ADAMTSL1: variants seen among roughly 807,000 people sequenced by gnomAD.
ADAMTSL1 encodes ADAMTS like 1.
ADAMTSL1 carries 126 observed loss-of-function variants against 201.8 expected under a neutral mutation model. That is an observed-to-expected ratio of 0.62 (90% CI 0.54 to 0.72). ADAMTSL1 has a LOEUF of 0.72. Among genes scored for constraint, ADAMTSL1 ranks in the 30% least tolerant of loss-of-function variants. The probability of loss-of-function intolerance (pLI) is 0.00; values close to 1 mark genes in which losing one functional copy is unlikely to be tolerated. For missense variants in ADAMTSL1, 2,679 were observed against 2,277.8 expected (o/e 1.18, Z -3.59); for synonymous variants, 1,121 against 903.4 (o/e 1.24, Z -4.32).
At chr9:17,917,482 A>G (rs1172114065) in intron 1 of ADAMTSL1, among the ~76,000 whole-genome samples, 1 of 152,030 alleles carries the variant, frequency 6.6e-6, no homozygotes, top group Non-Finnish European at 1.5e-5. Flanking sequence ...TTAGTTTAAT[A>G]TAGTGAGTTA....
chr9:18,522,848 C>G (rs1818786667), intron 2 of ADAMTSL1, among the ~76,000 whole-genome samples: 1 of 152,080 alleles, frequency 6.6e-6, no homozygotes, highest in African/African-American at 2.4e-5. Context: ...CATTCATGGA[C>G]ATTAGGTTTG....
chr9:18,712,201 C>T (rs1475324223), intron 14 of ADAMTSL1, among the ~76,000 whole-genome samples: 1 of 152,238 alleles, frequency 6.6e-6, no homozygotes, highest in Non-Finnish European at 1.5e-5. Flanking sequence ...CTCTCCTCCT[C>T]CAAAGGATCA....
At chr9:18,348,663 A>G (rs1835830158) in intron 2 of ADAMTSL1, among the ~76,000 whole-genome samples, 1 of 152,180 alleles carries the variant, frequency 6.6e-6, no homozygotes, top group African/African-American at 2.4e-5. Context: ...ACATGAAGTA[A>G]GTGAAATAGA....
intron 1 of ADAMTSL1, among the ~76,000 whole-genome samples, chr9:17,955,967 A>AT (rs1212529402): frequency 1.3e-5 from 2 of 152,126 alleles, no homozygotes; most frequent in African/African-American, 4.8e-5. Flanking sequence ...TTTTAGACAC[A>AT]TTTTTTAAAA....
chr9:18,303,477 G>A (rs768461718), intron 2 of ADAMTSL1, among the ~76,000 whole-genome samples: 5 of 152,168 alleles, frequency 3.3e-5, no homozygotes. Flanking sequence ...AGGCAGTGAT[G>A]GTTCACTCCA....
At chr9:18,434,829 A>G (rs540663711) in intron 2 of ADAMTSL1, among the ~76,000 whole-genome samples, 2 of 152,082 alleles carry the variant, frequency 1.3e-5, no homozygotes, top group African/African-American at 2.4e-5. Flanking sequence ...GTATCACCTT[A>G]TTCAGTATTC....
At chr9:18,558,182 C>G (rs1440231434) in intron 3 of ADAMTSL1, among the ~76,000 whole-genome samples, 1 of 152,090 alleles carries the variant, frequency 6.6e-6, no homozygotes, top group Non-Finnish European at 1.5e-5. Flanking sequence ...CCAACAGGCC[C>G]CAGTGTGTGA....
At chr9:18,139,224 T>C (rs1183452715) in intron 1 of ADAMTSL1, among the ~76,000 whole-genome samples, 2 of 152,180 alleles carry the variant, frequency 1.3e-5, no homozygotes, top group Non-Finnish European at 2.9e-5. Context: ...CTGTGTTCTG[T>C]ATTCATGAGG....
intron 23 of ADAMTSL1, among the ~76,000 whole-genome samples, chr9:18,841,072 T>C (rs887512889): frequency 1.7e-4 from 25 of 149,182 alleles, no homozygotes; most frequent in African/African-American, 5.7e-4. Flanking sequence ...TCCAACACTA[T>C]GTTGAATAGG....
intron 19 of ADAMTSL1, among the ~76,000 whole-genome samples, chr9:18,792,240 T>A (rs762591346): frequency 5.9e-5 from 9 of 152,162 alleles, no homozygotes; most frequent in Non-Finnish European, 1.3e-4. Flanking sequence ...AAAAGAGTCA[T>A]TGGAAATACC....
At chr9:18,136,517 A>C (rs1169597560) in intron 1 of ADAMTSL1, among the ~76,000 whole-genome samples, 2 of 152,124 alleles carry the variant, frequency 1.3e-5, no homozygotes, top group African/African-American at 4.8e-5. Flanking sequence ...GCAAGGGTGA[A>C]GTGCTTTAGT....
chr9:18,448,902 G>A (rs1820300852), intron 2 of ADAMTSL1, among the ~76,000 whole-genome samples: 1 of 152,018 alleles, frequency 6.6e-6, no homozygotes, highest in African/African-American at 2.4e-5. Flanking sequence ...TTATGTGAGT[G>A]ATATATTATT....
intron 19 of ADAMTSL1, among the ~76,000 whole-genome samples, chr9:18,791,933 T>A (rs891600825): frequency 1.1e-4 from 16 of 152,144 alleles, no homozygotes; most frequent in Non-Finnish European, 2.2e-4. Flanking sequence ...GCTTCAGACA[T>A]GGGCAGAAAG....
intron 14 of ADAMTSL1, chr9:18,718,453 T>A (rs1042809415): frequency 1.6e-6 from 1 of 611,754 alleles, no homozygotes; most frequent in Non-Finnish European, 3.2e-6. Flanking sequence ...CAAAAATTCC[T>A]TGAACAAATT....
chr9:17,999,670 C>G (rs2383060), intron 1 of ADAMTSL1, among the ~76,000 whole-genome samples: 1 of 148,946 alleles, frequency 6.7e-6, no homozygotes, highest in Middle Eastern at 3.2e-3. Flanking sequence ...TAGTTACATA[C>G]GTATACATGT....
At chr9:18,167,175 G>A (rs899104579) in intron 2 of ADAMTSL1, among the ~76,000 whole-genome samples, 1 of 151,940 alleles carries the variant, frequency 6.6e-6, no homozygotes, top group Non-Finnish European at 1.5e-5. Flanking sequence ...AGATCATGTT[G>A]ATTTTGATTG....
intron 4 of ADAMTSL1, among the ~76,000 whole-genome samples, chr9:18,609,989 A>G (rs16936897): frequency 0.019 from 2,818 of 152,314 alleles, 78 homozygotes; most frequent in African/African-American, 0.064. Context: ...TGGTTGCACC[A>G]CAATGTCATG....
chr9:18,086,690 G>C (rs1050265511), intron 1 of ADAMTSL1, among the ~76,000 whole-genome samples: 2 of 152,292 alleles, frequency 1.3e-5, no homozygotes, highest in Non-Finnish European at 2.9e-5. Flanking sequence ...GCTGATTTAT[G>C]TGTACTTTAG....
intron 2 of ADAMTSL1, among the ~76,000 whole-genome samples, chr9:18,278,956 C>T (rs1395091523): frequency 1.3e-5 from 2 of 151,994 alleles, no homozygotes; most frequent in African/African-American, 4.8e-5. Context: ...GCTGTTAAAG[C>T]TCTTCATAAA....
Sources: allele counts gnomAD v4.1 joint callset (sites outside exome capture counted in the v4.1 genomes callset), GRCh38; gene constraint gnomAD v4.1.1; transcripts MANE v1.5; gene names NCBI Gene and HGNC (gene_info 2026-07-23, HGNC 2026-07-21).